MTDH: variants seen among roughly 807,000 people sequenced by gnomAD.
MTDH encodes the protein metadherin.
Under a neutral mutation model 72.7 loss-of-function variants are expected in MTDH, and 34 were observed. The observed-to-expected ratio is 0.47, with a 90% CI of 0.36 to 0.62. The LOEUF is 0.62. MTDH is among the 20% of genes least tolerant of loss of function. The pLI is 0.00. For synonymous variants in MTDH, 266 were observed against 268.9 expected, an observed-to-expected ratio of 0.99 and a Z score of 0.10; for missense variants, 677 against 699.4, an observed-to-expected ratio of 0.97 and a Z score of 0.36.
rs147916579 is a variant in MTDH at position 97,707,408 on chromosome 8, C to G, written c.1272+658C>G. ...CAGGTGATCCGCTCACCTCAGCCCC[C>G]CAAAGTGCTGGGATTACAGGCGTAA... On this transcript the variant is annotated intron_variant, in intron 8 of 11. Transcript: ENST00000336273. Among the ~76,000 whole-genome samples the G allele has an allele frequency of 3.0e-3, 448 of 151,006 alleles. 2 individuals are homozygous for G. The highest frequency in any genetic ancestry group is 0.02 in the South Asian group (94 of 4,756).
chr8:97,700,215 C>T (rs970349369), intron 7 of MTDH, among the ~76,000 whole-genome samples: 19 of 151,738 alleles, frequency 1.3e-4, no homozygotes, highest in South Asian at 2.1e-4. Flanking sequence ...ATTTTTGTGC[C>T]GGTAGAAAAC....
At chr8:97,652,700 T>C (rs914789680) in intron 1 of MTDH, among the ~76,000 whole-genome samples, 3 of 152,226 alleles carry the variant, frequency 2.0e-5, no homozygotes, top group Non-Finnish European at 4.4e-5. Flanking sequence ...TAAATTTATC[T>C]CTTAATATAT....
At chr8:97,665,425 G>A (rs550805208) in intron 2 of MTDH, among the ~76,000 whole-genome samples, 1 of 152,260 alleles carries the variant, frequency 6.6e-6, no homozygotes, top group Admixed American at 6.5e-5. Context: ...GCTAATAGAT[G>A]CTAAAGATAA....
intron 4 of MTDH, 95 bp from the exon 5 acceptor site, chr8:97,688,943 G>T: frequency 3.9e-6 from 2 of 513,924 alleles, no homozygotes; most frequent in Non-Finnish European, 6.4e-6. Context: ...ATTTATAATA[G>T]ATAATAATTA....
chr8:97,672,364 G>A (rs1206987341), intron 2 of MTDH, among the ~76,000 whole-genome samples: 1 of 152,046 alleles, frequency 6.6e-6, no homozygotes, highest in African/African-American at 2.4e-5. Flanking sequence ...TTTTATCTGA[G>A]TGCTTTGATA....
rs950400656 is a variant in MTDH at position 97,664,437 on chromosome 8, T to C, written c.483+3264T>C. Reference sequence around the variant, plus strand: ...ATTCGAAAAAGTTCTTTTTATCATTTAACAGTGCCACCTTTCAGTTGCTGT... The same window carrying C: ...ATTCGAAAAAGTTCTTTTTATCATTCAACAGTGCCACCTTTCAGTTGCTGT... On this transcript the variant is annotated intron_variant, in intron 2 of 11. Coordinates refer to ENST00000336273, the MANE Select transcript of MTDH (RefSeq NM_178812.4). Among the ~76,000 whole-genome samples the C allele has an allele frequency of 2.8e-4, 43 of 152,242 alleles. 1 individual carries two copies. Among genetic ancestry groups the C allele is most frequent in the Non-Finnish European group, 2.4e-4 (16 of 68,044 alleles).
In MTDH at chr8:97,686,772, G is replaced by A. The variant is rs372330645; in HGVS notation, c.568+20G>A. 261 of 1,541,786 alleles carry A rather than the reference G, an allele frequency of 1.7e-4. No homozygotes were observed. The Middle Eastern group carries it at 4.6e-3, about 27-fold the overall frequency. ...ATGAAGGTACTTGAGCAAGGGAAAGGACTGTAGAAAATTTTTTAATCCTTT... is the reference window on the plus strand; with the variant it reads ...ATGAAGGTACTTGAGCAAGGGAAAGAACTGTAGAAAATTTTTTAATCCTTT... On this transcript the variant is annotated intron_variant, in intron 3 of 11. Coordinates refer to ENST00000336273, the MANE Select transcript of MTDH (RefSeq NM_178812.4).
At chr8:97,714,949 C>T (rs1814800387) in intron 9 of MTDH, among the ~76,000 whole-genome samples, 1 of 152,054 alleles carries the variant, frequency 6.6e-6, no homozygotes, top group Non-Finnish European at 1.5e-5. Context: ...CCTCAGCTTC[C>T]CAAGTAGCTA....
intron 2 of MTDH, among the ~76,000 whole-genome samples, chr8:97,680,736 C>T (rs1813035183): frequency 6.6e-6 from 1 of 152,112 alleles, no homozygotes; most frequent in Non-Finnish European, 1.5e-5. Flanking sequence ...TGAATAATTT[C>T]AGAGGTTTTG....
In MTDH at chr8:97,690,974, C is replaced by T. The variant is rs749946986; in HGVS notation, c.834C>T (p.Asn278=). Residue 278 remains asparagine, a synonymous_variant, in exon 6 of 12, where the codon AAC becomes AAT. Coordinates refer to ENST00000336273, the MANE Select transcript of MTDH (RefSeq NM_178812.4). Reference sequence around the variant, plus strand: ...AAGTTTCTTCAGGATTGAATGAAAACCTCACTGTCAATGGAGGAGGCTGGA... The same window carrying T: ...AAGTTTCTTCAGGATTGAATGAAAATCTCACTGTCAATGGAGGAGGCTGGA... ...TLQVSSGLNE[N]LTVNGGGWNE... 2 of 1,612,498 alleles carry T rather than the reference C, an allele frequency of 1.2e-6. No individual in the cohort carries two copies. The highest frequency in any genetic ancestry group is 1.7e-6 in the Non-Finnish European group (2 of 1,179,232).
intron 2 of MTDH, among the ~76,000 whole-genome samples, chr8:97,667,846 A>AAG (rs1241568778): frequency 6.6e-6 from 1 of 151,712 alleles, no homozygotes; most frequent in East Asian, 1.9e-4. Context: ...AAAAAAAAAA[A>AAG]AAAAGGAAGA....
chr8:97,646,491 A>T (rs948251953), intron 1 of MTDH, among the ~76,000 whole-genome samples: 1 of 152,232 alleles, frequency 6.6e-6, no homozygotes, highest in Non-Finnish European at 1.5e-5. Context: ...TGAAAGAAAC[A>T]CATTCAGCAC....
At chr8:97,700,950 G>GT (rs1814095341) in intron 7 of MTDH, among the ~76,000 whole-genome samples, 1 of 152,184 alleles carries the variant, frequency 6.6e-6, no homozygotes, top group Non-Finnish European at 1.5e-5. Context: ...AAAGATCAGG[G>GT]AGGACCATAT....
At chr8:97,664,011 AT>A (rs146886572) in intron 2 of MTDH, among the ~76,000 whole-genome samples, 20 of 152,218 alleles carry the variant, frequency 1.3e-4, no homozygotes, top group East Asian at 7.7e-4. Flanking sequence ...TTATAGCCCC[AT>A]TTTACAGATA....
intron 2 of MTDH, among the ~76,000 whole-genome samples, chr8:97,677,425 A>G (rs1812899229): frequency 1.3e-5 from 2 of 150,136 alleles, no homozygotes; most frequent in Non-Finnish European, 3.0e-5. Flanking sequence ...TGGGAGGCGG[A>G]GGTTGCAGTG....
At chr8:97,707,429 C>T (rs1047592005) in intron 8 of MTDH, among the ~76,000 whole-genome samples, 1 of 144,282 alleles carries the variant, frequency 6.9e-6, no homozygotes, top group Non-Finnish European at 1.5e-5. Flanking sequence ...GGATTACAGG[C>T]GTAAGCCACC....
chr8:97,716,939 C>T (rs543793394), intron 9 of MTDH, among the ~76,000 whole-genome samples: 1 of 152,160 alleles, frequency 6.6e-6, no homozygotes. Context: ...CCTTGGCTCC[C>T]AAAGTGCTGG....
At chr8:97,660,614 A>G (rs1160641655) in intron 1 of MTDH, among the ~76,000 whole-genome samples, 1 of 152,206 alleles carries the variant, frequency 6.6e-6, no homozygotes, top group East Asian at 1.9e-4. Flanking sequence ...CACCCTGAAT[A>G]TGTTTATAAA....
intron 8 of MTDH, among the ~76,000 whole-genome samples, chr8:97,712,511 A>C (rs1332395576): frequency 1.3e-5 from 2 of 152,126 alleles, no homozygotes; most frequent in East Asian, 3.8e-4. Context: ...TGTCCTTTCC[A>C]GTTTGGGACT....
Sources: gnomAD v4.1 joint callset for allele counts (sites outside exome capture counted in the v4.1 genomes callset) on GRCh38, gnomAD v4.1.1 for gene constraint, MANE v1.5 for transcripts, NCBI Gene and HGNC (gene_info 2026-07-23, HGNC 2026-07-21) for gene names.